RGS7: variants seen among roughly 807,000 people sequenced by gnomAD.
The protein encoded by RGS7 is regulator of G-protein signaling 7.
In RGS7, 27 loss-of-function variants were observed where a neutral mutation model predicts 81.1. That is an observed-to-expected ratio of 0.33 (90% CI 0.25 to 0.46). RGS7 has a LOEUF of 0.46. Ranked by LOEUF, RGS7 falls within the 20% of genes least tolerant of loss-of-function variation. The pLI, the probability that RGS7 is intolerant of heterozygous loss-of-function variation, is 1.00. For missense variants in RGS7, 396 were observed against 607.4 expected (o/e 0.65, Z 3.66); for synonymous variants, 208 against 207.7 (o/e 1.00, Z -0.01).
rs72756872 is a variant in RGS7 at position 240,956,442 on chromosome 1, T to C, written c.227-19736A>G. 5.1e-3 allele frequency among the ~76,000 whole-genome samples: 762 copies of C among 148,356 alleles called. 8 individuals carry two copies. The highest frequency in any genetic ancestry group is 0.013 in the South Asian group (60 of 4,730). Reference sequence around the variant, plus strand: ...TGATGTAAATAAATAATTGAATAAATAAATAGAAACATCTTCCCTGCCAAG... The same window carrying C: ...TGATGTAAATAAATAATTGAATAAACAAATAGAAACATCTTCCCTGCCAAG... On this transcript the variant is annotated intron_variant, in intron 4 of 18. Transcript: ENST00000440928.
chr1:241,071,360 G>T (rs1049186536), intron 3 of RGS7, among the ~76,000 whole-genome samples: 5 of 152,188 alleles, frequency 3.3e-5, no homozygotes, highest in South Asian at 4.1e-4. Flanking sequence ...TAGAAAGCTA[G>T]ATTAGCCTAA....
At chr1:241,109,830 T>C (rs1373245578) in intron 2 of RGS7, among the ~76,000 whole-genome samples, 2 of 151,602 alleles carry the variant, frequency 1.3e-5, no homozygotes, top group Middle Eastern at 3.2e-3. Context: ...TAGTGTTGGG[T>C]GCCTGTAATC....
chr1:241,108,824 A>C (rs1404768655), intron 2 of RGS7, among the ~76,000 whole-genome samples: 1 of 152,162 alleles, frequency 6.6e-6, no homozygotes, highest in Non-Finnish European at 1.5e-5. Context: ...TGCACAGAAT[A>C]ATGAATTCTG....
intron 4 of RGS7, among the ~76,000 whole-genome samples, chr1:240,965,384 C>A (rs1032581836): frequency 3.3e-5 from 5 of 152,196 alleles, no homozygotes; most frequent in African/African-American, 1.2e-4. Flanking sequence ...TCTGACTTTG[C>A]ATGCTTGAAA....
At chr1:241,061,870 C>T (rs1292382081) in intron 3 of RGS7, among the ~76,000 whole-genome samples, 2 of 152,216 alleles carry the variant, frequency 1.3e-5, no homozygotes, top group African/African-American at 4.8e-5. Flanking sequence ...TGAACCTTGA[C>T]TCTGTGAAAT....
intron 3 of RGS7, among the ~76,000 whole-genome samples, chr1:241,043,146 C>T (rs1311736365): frequency 6.6e-6 from 1 of 152,190 alleles, no homozygotes; most frequent in East Asian, 1.9e-4. Flanking sequence ...ATTATTATCA[C>T]TTTCCAGTTC....
chr1:241,110,343 T>G (rs1254678036), intron 2 of RGS7, among the ~76,000 whole-genome samples: 1 of 152,280 alleles, frequency 6.6e-6, no homozygotes, highest in African/African-American at 2.4e-5. Context: ...TTTTTTTAAT[T>G]GACGCAGGTG....
intron 2 of RGS7, among the ~76,000 whole-genome samples, chr1:241,115,291 G>T (rs6671012): frequency 1.3e-5 from 2 of 152,042 alleles, no homozygotes; most frequent in African/African-American, 4.8e-5. Context: ...TGACAGAATG[G>T]TTCATGCTGA....
At chr1:241,190,791 G>A (rs111865696) in intron 2 of RGS7, among the ~76,000 whole-genome samples, 3,729 of 151,184 alleles carry the variant, frequency 0.025, 150 homozygotes, top group African/African-American at 0.085. Flanking sequence ...TTCCTGGTTT[G>A]TATGCCTTCC....
At chr1:241,348,327 A>G (rs1399018568) in intron 2 of RGS7, among the ~76,000 whole-genome samples, 1 of 152,216 alleles carries the variant, frequency 6.6e-6, no homozygotes, top group Non-Finnish European at 1.5e-5. Context: ...TAAGTTCCCA[A>G]TCTTATCGTT....
intron 3 of RGS7, among the ~76,000 whole-genome samples, chr1:241,039,534 G>A (rs1444859275): frequency 6.6e-6 from 1 of 151,944 alleles, no homozygotes; most frequent in African/African-American, 2.4e-5. Flanking sequence ...AGATTTAGAA[G>A]AGATTGGTCA....
At chr1:241,118,070 T>C (rs916278807) in intron 2 of RGS7, among the ~76,000 whole-genome samples, 33 of 152,354 alleles carry the variant, frequency 2.2e-4, no homozygotes, top group African/African-American at 7.9e-4. Flanking sequence ...AGCTATTCTT[T>C]CTATGGTAGT....
chr1:240,894,452 C>G (rs1668726708), intron 6 of RGS7, among the ~76,000 whole-genome samples: 1 of 152,056 alleles, frequency 6.6e-6, no homozygotes, highest in South Asian at 2.1e-4. Flanking sequence ...ATCCTTTACT[C>G]TATGTGTTTT....
intron 3 of RGS7, among the ~76,000 whole-genome samples, chr1:240,989,197 TG>T (rs1323844772): frequency 4.6e-5 from 7 of 151,642 alleles, no homozygotes; most frequent in Admixed American, 2.6e-4. Context: ...CCCAGCATGT[TG>T]GGGGGCCGAG....
intron 6 of RGS7, chr1:240,920,127 G>A: frequency 1.1e-6 from 1 of 917,968 alleles, no homozygotes; most frequent in East Asian, 2.4e-5. Flanking sequence ...TGACTCCGTG[G>A]ATAAGACGGT....
chr1:241,262,408 G>A (rs1159031552), intron 2 of RGS7, among the ~76,000 whole-genome samples: 1 of 152,130 alleles, frequency 6.6e-6, no homozygotes, highest in East Asian at 1.9e-4. Context: ...CATATCCAAG[G>A]CAGCAACAGC....
chr1:241,334,684 CAT>C (rs1374899072), intron 2 of RGS7, among the ~76,000 whole-genome samples: 4 of 152,042 alleles, frequency 2.6e-5, no homozygotes, highest in Admixed American at 2.0e-4. Context: ...TCTAAAGTAA[CAT>C]AAAAATATCC....
intron 3 of RGS7, among the ~76,000 whole-genome samples, chr1:241,047,990 C>T (rs189017589): frequency 4.9e-4 from 75 of 152,036 alleles, no homozygotes; most frequent in Non-Finnish European, 9.3e-4. Context: ...CCCACCTGCC[C>T]CAGCCTCCCA....
rs77171247 is a variant in RGS7, at chr1:241,278,245, T to C, written c.78+77454A>G. Among the ~76,000 whole-genome samples the C allele has an allele frequency of 7.4e-3, 1,124 of 152,380 alleles. 4 individuals carry two copies. The highest frequency in any genetic ancestry group is 0.022 in the South Asian group (108 of 4,828). On this transcript the variant is annotated intron_variant, in intron 2 of 18. Coordinates refer to ENST00000440928, the MANE Select transcript of RGS7 (RefSeq NM_001364886.1). ...CATTTTTCATGACCTCTTATATTCATGGCTTAAGTTTTTGTTTTCTGGAAA... is the reference window on the plus strand; with the variant it reads ...CATTTTTCATGACCTCTTATATTCACGGCTTAAGTTTTTGTTTTCTGGAAA...
Sources: gnomAD v4.1 joint callset for allele counts (sites outside exome capture counted in the v4.1 genomes callset) on GRCh38, gnomAD v4.1.1 for gene constraint, MANE v1.5 for transcripts, NCBI Gene and HGNC (gene_info 2026-07-23, HGNC 2026-07-21) for gene names.